Variants in TEN1 observed in about 807,000 individuals in gnomAD.
TEN1 encodes TEN1 subunit of CST complex, also known as CST complex subunit TEN1.
A neutral mutation model predicts 9.3 loss-of-function variants in TEN1; 6 were observed. That is an observed-to-expected ratio of 0.65 (90% CI 0.35 to 1.27). The LOEUF is 1.27. Among genes scored for constraint, TEN1 ranks in the 50% most tolerant of loss-of-function variants. TEN1 has a pLI of 0.03. For missense variants in TEN1, 149 were observed against 158.2 expected (o/e 0.94, Z 0.31); for synonymous variants, 65 against 65.6 (o/e 0.99, Z 0.04).
rs1412009927 is a variant in TEN1, at chr17:75,991,546, G to A, written c.173G>A (p.Cys58Tyr). Residue 58 changes from cysteine to tyrosine, a missense_variant, in exon 3 of 4, where the codon TGT (cysteine) becomes TAT (tyrosine). Cys to Tyr is a radical substitution (Grantham distance 194, BLOSUM62 -2). Coordinates refer to ENST00000397640, the MANE Select transcript of TEN1 (RefSeq NM_001113324.3). The part of the protein sequence containing the change: ...HGSDQHQVLV[C>Y]TKLVEPFHAQ... The stretch of plus-strand genomic sequence containing the variant: ...TCCGATCAGCACCAGGTTCTTGTCT[G>A]TACCAAGTTGGTGGAGCCCTTCCAC... The A allele has an allele frequency of 6.4e-7, 1 of 1,552,340 alleles. No homozygotes were observed. The highest frequency in any genetic ancestry group is 1.2e-5 in the South Asian group (1 of 84,068).
chr17:75,982,469 T>C (rs2066127488), intron 1 of TEN1, among the ~76,000 whole-genome samples: 1 of 152,190 alleles, frequency 6.6e-6, no homozygotes, highest in Non-Finnish European at 1.5e-5. Flanking sequence ...GTCCCTTAAT[T>C]CAGATTTGTC....
chr17:75,980,624 C>G (rs577664431), intron 1 of TEN1, among the ~76,000 whole-genome samples: 2 of 152,240 alleles, frequency 1.3e-5, no homozygotes, highest in African/African-American at 4.8e-5. Flanking sequence ...AGGATTTTGC[C>G]ATGTTGGCCA....
intron 1 of TEN1, among the ~76,000 whole-genome samples, chr17:75,981,443 T>C (rs2066118979): frequency 2.0e-5 from 3 of 152,124 alleles, no homozygotes; most frequent in Admixed American, 2.0e-4. Context: ...CGCCTCAGCC[T>C]TCCAAAGTGC....
chr17:75,981,604 T>TC (rs1166549557), intron 1 of TEN1, among the ~76,000 whole-genome samples: 2 of 151,796 alleles, frequency 1.3e-5, no homozygotes, highest in Non-Finnish European at 2.9e-5. Context: ...TTGTTTTTTT[T>TC]TTTTTTTTTA....
At chr17:75,998,996 A>T (rs977401804) in intron 3 of TEN1, among the ~76,000 whole-genome samples, 2 of 152,026 alleles carry the variant, frequency 1.3e-5, no homozygotes, top group African/African-American at 2.4e-5. Context: ...AGTGCAAAAA[A>T]TTTTTTTAAC....
In TEN1 at chr17:76,000,268, A is replaced by T. The variant is rs988588411; in HGVS notation, c.*6A>T. The T allele has an allele frequency of 6.4e-7, 1 of 1,550,618 alleles. No homozygotes were observed. Among genetic ancestry groups the T allele is most frequent in the Non-Finnish European group, 8.7e-7 (1 of 1,146,512 alleles). ...AGCGGGGCGGCAGCCAGTAGGAAAC[A>T]GCAGCCTAGCAACACCCTCACCTGC... On this transcript the variant is annotated 3_prime_UTR_variant, in exon 4 of 4. Coordinates refer to ENST00000397640, the MANE Select transcript of TEN1 (RefSeq NM_001113324.3). This position sits in a 1 kb window ranked among gnomAD's most constrained non-coding sequence, Gnocchi z 5.9.
intron 3 of TEN1, among the ~76,000 whole-genome samples, chr17:75,995,220 C>CAA (rs57034018): frequency 5.8e-5 from 7 of 120,938 alleles, no homozygotes; most frequent in African/African-American, 1.5e-4. Flanking sequence ...GACCCTGTTT[C>CAA]AAAAAAAAAA....
intron 3 of TEN1, among the ~76,000 whole-genome samples, chr17:75,997,352 C>A (rs1234389222): frequency 6.6e-6 from 1 of 152,044 alleles, no homozygotes; most frequent in Non-Finnish European, 1.5e-5. Flanking sequence ...CCTGGCCACA[C>A]CCCCCTCCCC....
At chr17:75,997,724 C>A (rs887260827) in intron 3 of TEN1, among the ~76,000 whole-genome samples, 5 of 152,176 alleles carry the variant, frequency 3.3e-5, no homozygotes, top group African/African-American at 7.2e-5. Context: ...ACCTTCCCTC[C>A]CTTTGCAGAC....
chr17:75,990,569 C>T (rs2066178713), intron 2 of TEN1, among the ~76,000 whole-genome samples: 1 of 149,680 alleles, frequency 6.7e-6, no homozygotes, highest in African/African-American at 2.5e-5. Flanking sequence ...CACAGTGGCT[C>T]ATGAGTGTAA....
intron 3 of TEN1, among the ~76,000 whole-genome samples, chr17:75,992,605 C>G (rs1012662912): frequency 6.6e-6 from 1 of 150,916 alleles, no homozygotes; most frequent in African/African-American, 2.4e-5. Context: ...CTCCGCCTCC[C>G]GGGTTCACGC....
intron 3 of TEN1, among the ~76,000 whole-genome samples, chr17:75,995,778 T>G (rs918135714): frequency 3.3e-5 from 5 of 152,160 alleles, no homozygotes; most frequent in African/African-American, 1.2e-4. Flanking sequence ...TTTCTCTCAC[T>G]GCACCCCTGC....
intron 2 of TEN1, among the ~76,000 whole-genome samples, chr17:75,987,091 T>C (rs2066156942): frequency 6.6e-6 from 1 of 152,242 alleles, no homozygotes; most frequent in Admixed American, 6.5e-5. Flanking sequence ...CCCAAAGTGC[T>C]GGGATTACAG....
At chr17:75,993,710 A>G (rs1254545610) in intron 3 of TEN1, among the ~76,000 whole-genome samples, 1 of 151,932 alleles carries the variant, frequency 6.6e-6, no homozygotes, top group Non-Finnish European at 1.5e-5. Flanking sequence ...AAAAAATTGA[A>G]CCTGGGCTGG....
rs144754993 is a variant in TEN1, at chr17:75,985,197, C to G, written c.-6-990C>G. Among the ~76,000 whole-genome samples the G allele has an allele frequency of 5.3e-5, 8 of 152,234 alleles. No homozygotes were observed. In the East Asian group the frequency reaches 1.5e-3, roughly 29 times the overall value. ...GGGTCTTACTCTATTGCCGAGGCTA[C>G]AGTATAGTGGTGTGATCATAGCTCA... On this transcript the variant is annotated intron_variant, in intron 1 of 3. Coordinates refer to ENST00000397640, the MANE Select transcript of TEN1 (RefSeq NM_001113324.3).
chr17:75,987,462 A>T (rs537821840), intron 2 of TEN1, among the ~76,000 whole-genome samples: 1 of 152,228 alleles, frequency 6.6e-6, no homozygotes, highest in African/African-American at 2.4e-5. Context: ...AGTGTCTTTC[A>T]TGACTTAGCT....
At chr17:75,980,254 G>C (rs2066107323) in intron 1 of TEN1, among the ~76,000 whole-genome samples, 1 of 152,104 alleles carries the variant, frequency 6.6e-6, no homozygotes, top group African/African-American at 2.4e-5. Context: ...TGGGATGGTG[G>C]CTTGAGCCCC....
chr17:75,988,561 CAAAAAAAA>C (rs1189354019), intron 2 of TEN1, among the ~76,000 whole-genome samples: 2,129 of 28,906 alleles, frequency 0.074, 23 homozygotes, highest in Non-Finnish European at 0.099. Flanking sequence ...GATCCTGCCT[CAAAAAAAA>C]AAAAAAAAAA....
At chr17:75,997,355 C>A (rs977242087) in intron 3 of TEN1, among the ~76,000 whole-genome samples, 4 of 152,234 alleles carry the variant, frequency 2.6e-5, no homozygotes, top group South Asian at 2.1e-4. Context: ...GGCCACACCC[C>A]CCTCCCCGGC....
Sources: allele counts gnomAD v4.1 joint callset (sites outside exome capture counted in the v4.1 genomes callset), GRCh38; gene constraint gnomAD v4.1.1; non-coding constraint Gnocchi (gnomAD v3.1); transcripts MANE v1.5; gene names NCBI Gene and HGNC (gene_info 2026-07-23, HGNC 2026-07-21).